Variants in WNK3 observed in about 807,000 individuals in gnomAD.
WNK3 encodes serine/threonine-protein kinase WNK3.
In WNK3, 18 loss-of-function variants were observed where a neutral mutation model predicts 116.7. The observed-to-expected ratio is 0.15, with a 90% CI of 0.11 to 0.23. The LOEUF is 0.23. Among genes scored for constraint, WNK3 ranks in the 10% least tolerant of loss-of-function variants. The probability of loss-of-function intolerance (pLI) is 1.00; values close to 1 mark genes in which losing one functional copy is unlikely to be tolerated. For missense variants in WNK3, 993 were observed against 1,323.8 expected, an observed-to-expected ratio of 0.75 and a Z score of 3.88; for synonymous variants, 404 against 469.4, an observed-to-expected ratio of 0.86 and a Z score of 1.80.
intron 23 of WNK3, 132 bp from the exon 24 acceptor site, chrX:54,198,785 A>G: frequency 3.9e-6 from 2 of 517,571 alleles, no homozygotes; most frequent in Non-Finnish European, 5.9e-6. Context: ...TCTTTTTGGC[A>G]TACTATTCCT....
At chrX:54,304,408 G>A (rs1013319695) in intron 5 of WNK3, among the ~76,000 whole-genome samples, 7 of 109,250 alleles carry the variant, frequency 6.4e-5, no homozygotes, top group Non-Finnish European at 3.8e-5. Flanking sequence ...GCGTGTGGTG[G>A]TGTGTACCTG....
intron 2 of WNK3, among the ~76,000 whole-genome samples, chrX:54,332,919 T>C (rs1237437118): frequency 9.1e-6 from 1 of 109,822 alleles, no homozygotes; most frequent in African/African-American, 3.3e-5. Flanking sequence ...ATAGATTTTT[T>C]TTTCTTCCCC....
chrX:54,342,993 C>T (rs1359704181), intron 1 of WNK3, among the ~76,000 whole-genome samples: 2 of 110,791 alleles, frequency 1.8e-5, no homozygotes, highest in Admixed American at 1.9e-4. Flanking sequence ...GGACTACAGG[C>T]GTGAGCCTCC....
exon 17 of WNK3, chrX:54,248,840 C>A (rs2068098758): frequency 8.3e-7 from 1 of 1,209,882 alleles, no homozygotes; most frequent in African/African-American, 1.7e-5. Context: ...ACAGGGCTAT[C>A]TTTAATTCCA....
At chrX:54,333,541 T>C in exon 2 of WNK3, 1 of 1,211,307 alleles carries the variant, frequency 8.3e-7, no homozygotes, top group Non-Finnish European at 1.1e-6. Context: ...GCAGAGAAGG[T>C]ACTGTTTTTC....
intron 10 of WNK3, among the ~76,000 whole-genome samples, chrX:54,278,253 T>C (rs987603556): frequency 6.3e-5 from 7 of 110,634 alleles, no homozygotes; most frequent in Admixed American, 2.0e-4. Flanking sequence ...TGAAGAGACA[T>C]ATCATGTTCC....
chrX:54,260,386 C>T lies in WNK3; in HGVS notation c.2038-1048G>A, dbSNP rs148838790. Among the ~76,000 whole-genome samples, 1,012 of 111,989 alleles carry T rather than the reference C, an allele frequency of 9.0e-3. 9 individuals carry two copies. The highest frequency in any genetic ancestry group is 0.012 in the Non-Finnish European group (630 of 53,217). On this transcript the variant is annotated intron_variant, in intron 10 of 23. Coordinates refer to ENST00000354646, the Ensembl canonical transcript of WNK3. ...CTAATTTAACTAATGTTTGTACAGT[C>T]CCCGTAAGTTGGAACAGCAACTGGC...
exon 24 of WNK3, chrX:54,196,464 A>G (rs2067444611): frequency 9.2e-6 from 1 of 109,203 alleles, no homozygotes; most frequent in Non-Finnish European, 1.9e-5. Context: ...TGTGCAAAAA[A>G]AAAAAAAAGT....
At chrX:54,287,354 T>G (rs1476987349) in intron 10 of WNK3, among the ~76,000 whole-genome samples, 1 of 111,783 alleles carries the variant, frequency 8.9e-6, no homozygotes, top group Non-Finnish European at 1.9e-5. Context: ...CCAGACAAAC[T>G]TCTCCCTTAG....
chrX:54,271,401 TTCGGATATCCAAAGAA>T (rs1379018741), intron 10 of WNK3, among the ~76,000 whole-genome samples: 1 of 111,886 alleles, frequency 8.9e-6, no homozygotes, highest in Non-Finnish European at 1.9e-5. Context: ...AAACGTCAGT[TTCGGATATCCAAAGAA>T]TCAGAAATTT....
chrX:54,196,749 G>A (rs782666352), exon 24 of WNK3: 1 of 111,392 alleles, frequency 9.0e-6, no homozygotes, highest in Non-Finnish European at 1.9e-5. Context: ...CCTGTGACTA[G>A]CCTTTAACAT....
chrX:54,356,000 A>G (rs1407725935), intron 1 of WNK3, among the ~76,000 whole-genome samples: 5 of 112,036 alleles, frequency 4.5e-5, no homozygotes, highest in African/African-American at 1.6e-4. Flanking sequence ...ACTCTTTCCA[A>G]TATCAAAGCA....
rs782562429 is a variant in WNK3, at chrX:54,253,952, C to T, written c.2367+7G>A. On this transcript the variant is annotated splice_region_variant and intron_variant, in intron 13 of 23. Transcript: ENST00000354646. ...AAGGGAAGATAATTTGGTCTTACTGCACTTACCATATAGTCTGCAATATCC... is the reference window on the plus strand; with the variant it reads ...AAGGGAAGATAATTTGGTCTTACTGTACTTACCATATAGTCTGCAATATCC... 8.7e-7 allele frequency: 1 copy of T among 1,147,541 alleles called. No homozygotes were observed. Among genetic ancestry groups the T allele is most frequent in the South Asian group, 1.9e-5 (1 of 51,903 alleles). The allele number at this position is 1,147,541 out of a possible 1,213,427, so 94.6% of individuals were successfully genotyped here.
chrX:54,264,131 G>A (rs1557157172), intron 10 of WNK3, among the ~76,000 whole-genome samples: 1 of 109,252 alleles, frequency 9.2e-6, no homozygotes, highest in East Asian at 2.9e-4. Context: ...TCAGGAGTTG[G>A]AGACCAGCCT....
At chrX:54,345,515 C>A (rs2069410271) in intron 1 of WNK3, among the ~76,000 whole-genome samples, 2 of 110,083 alleles carry the variant, frequency 1.8e-5, no homozygotes, top group African/African-American at 6.6e-5. Context: ...AAATTAGAAC[C>A]ACAAAGAGGC....
chrX:54,239,791 T>C (rs1557151179), intron 17 of WNK3, among the ~76,000 whole-genome samples: 2 of 111,672 alleles, frequency 1.8e-5, no homozygotes, highest in African/African-American at 6.5e-5. Context: ...GATATAACTG[T>C]TGTATCTAAA....
chrX:54,296,205 T>A (rs1557166261), intron 7 of WNK3, among the ~76,000 whole-genome samples: 1 of 111,409 alleles, frequency 9.0e-6, no homozygotes, highest in Admixed American at 9.6e-5. Flanking sequence ...AGAAGATCAT[T>A]TGAGGAGGTA....
chrX:54,198,742 A>G, intron 23 of WNK3, 89 bp from the exon 24 acceptor site: 1 of 683,944 alleles, frequency 1.5e-6, no homozygotes, highest in Non-Finnish European at 2.1e-6. Flanking sequence ...TTTTTTTTCT[A>G]TTGCTGCTGC....
rs782152964 is a variant in WNK3, at chrX:54,247,648, G to A, written c.3651+1049C>T. Among the ~76,000 whole-genome samples, 3 of 109,865 alleles carry A rather than the reference G, an allele frequency of 2.7e-5. No individual in the cohort carries two copies. In the East Asian group the frequency reaches 8.5e-4, roughly 31 times the overall value. Reference sequence around the variant, plus strand: ...GGGATGGGGTGGATTTTACTTGTACGTAGTACATATATACTATGTACAAGT... The same window carrying A: ...GGGATGGGGTGGATTTTACTTGTACATAGTACATATATACTATGTACAAGT... On this transcript the variant is annotated intron_variant, in intron 17 of 23. Coordinates refer to ENST00000354646, the Ensembl canonical transcript of WNK3.
Sources: allele counts gnomAD v4.1 joint callset (sites outside exome capture counted in the v4.1 genomes callset), GRCh38; gene constraint gnomAD v4.1.1; transcripts MANE v1.5; gene names NCBI Gene and HGNC (gene_info 2026-07-23, HGNC 2026-07-21).